Variants in DLG2 observed in about 807,000 individuals in gnomAD.
DLG2 encodes disks large homolog 2.
In DLG2, 45 loss-of-function variants were observed where a neutral mutation model predicts 132.5. The ratio of observed to expected loss-of-function variants is 0.34; its 90% CI spans 0.27 to 0.44. The LOEUF is 0.44. DLG2 is among the 20% of genes least tolerant of loss of function. DLG2 has a pLI of 1.00. For synonymous variants in DLG2, 424 were observed against 419.6 expected (o/e 1.01, Z -0.13); for missense variants, 1,045 against 1,196.9 (o/e 0.87, Z 1.87).
At chr11:84,304,458 A>AT (rs2098192629) in intron 7 of DLG2, among the ~76,000 whole-genome samples, 2 of 152,252 alleles carry the variant, frequency 1.3e-5, no homozygotes, top group South Asian at 4.1e-4. Flanking sequence ...TTTGTTGGGC[A>AT]GAAAGGGACA....
chr11:83,788,931 T>A (rs1314008739), intron 17 of DLG2, among the ~76,000 whole-genome samples: 2 of 152,240 alleles, frequency 1.3e-5, no homozygotes, highest in African/African-American at 4.8e-5. Flanking sequence ...TACCTGAGTT[T>A]AATGACAGAA....
intron 18 of DLG2, among the ~76,000 whole-genome samples, chr11:83,637,703 T>C (rs1461532078): frequency 6.6e-6 from 1 of 152,156 alleles, no homozygotes; most frequent in East Asian, 1.9e-4. Context: ...ACCCTTCCCC[T>C]CTTGACATCT....
At chr11:83,907,325 G>C (rs574932971) in intron 15 of DLG2, among the ~76,000 whole-genome samples, 2 of 152,076 alleles carry the variant, frequency 1.3e-5, no homozygotes, top group Admixed American at 1.3e-4. Context: ...ATATGGGCAG[G>C]TAAACAAATT....
chr11:84,039,219 T>C (rs1278240786), intron 11 of DLG2, among the ~76,000 whole-genome samples: 1 of 149,886 alleles, frequency 6.7e-6, no homozygotes, highest in African/African-American at 2.4e-5. Context: ...TTCTAGTTAA[T>C]TTTTTTTTTA....
intron 18 of DLG2, among the ~76,000 whole-genome samples, chr11:83,703,372 G>A (rs755810482): frequency 1.3e-5 from 2 of 152,168 alleles, no homozygotes; most frequent in Non-Finnish European, 2.9e-5. Context: ...ACAAACGGCC[G>A]GGCCTGGTGG....
chr11:85,344,411 C>T (rs539947366), intron 3 of DLG2, among the ~76,000 whole-genome samples: 27 of 152,102 alleles, frequency 1.8e-4, no homozygotes, highest in South Asian at 8.3e-4. Context: ...AGCCTAATGA[C>T]GGACAGAGGC....
chr11:84,302,099 C>T lies in DLG2; in HGVS notation c.520-50808G>A, dbSNP rs2098162146. Among the ~76,000 whole-genome samples, 3 of 152,064 alleles carry T rather than the reference C, an allele frequency of 2.0e-5. No homozygotes were observed. The South Asian group carries it at 6.2e-4, about 32-fold the overall frequency. On this transcript the variant is annotated intron_variant, in intron 7 of 27. Transcript: ENST00000376104. Reference sequence around the variant, plus strand: ...CACTCTCAGCAAACTAACACAGGAACAGAAAACCAAACGCCACATGTTCTC... The same window carrying T: ...CACTCTCAGCAAACTAACACAGGAATAGAAAACCAAACGCCACATGTTCTC...
At position 83,764,785 on chromosome 11, in the gene DLG2, G is replaced by A. The variant is rs542792411; in HGVS notation, c.1825+21905C>T. Reference sequence around the variant, plus strand: ...TCTGTGCTTTGATCACTTCATTTCAGTGCATCTTTCTTCACTCAGGAGGTG... The same window carrying A: ...TCTGTGCTTTGATCACTTCATTTCAATGCATCTTTCTTCACTCAGGAGGTG... On this transcript the variant is annotated intron_variant, in intron 18 of 27. Transcript: ENST00000376104. Among the ~76,000 whole-genome samples, 3 of 152,266 alleles carry A rather than the reference G, an allele frequency of 2.0e-5. No individual in the cohort carries two copies. The East Asian group carries it at 5.8e-4, about 29-fold the overall frequency.
chr11:84,812,551 T>C (rs934792802), intron 6 of DLG2, among the ~76,000 whole-genome samples: 2 of 152,154 alleles, frequency 1.3e-5, no homozygotes, highest in African/African-American at 4.8e-5. Flanking sequence ...CATATGTGAC[T>C]AGTTACCATA....
At chr11:84,032,005 T>A (rs1593501452) in intron 11 of DLG2, among the ~76,000 whole-genome samples, 1 of 152,246 alleles carries the variant, frequency 6.6e-6, no homozygotes, top group Middle Eastern at 3.4e-3. Flanking sequence ...TATGCCCATA[T>A]AAGATGATGA....
At chr11:83,873,103 A>G (rs1295291668) in intron 16 of DLG2, among the ~76,000 whole-genome samples, 1 of 152,170 alleles carries the variant, frequency 6.6e-6, no homozygotes, top group Non-Finnish European at 1.5e-5. Flanking sequence ...CACCTCAATA[A>G]AGTCTTTTCG....
At chr11:85,606,701 C>T (rs1264428401) in intron 2 of DLG2, among the ~76,000 whole-genome samples, 16 of 152,258 alleles carry the variant, frequency 1.1e-4, no homozygotes, top group South Asian at 2.1e-4. Context: ...TTTGGGTCTG[C>T]GCCGCCTTTA....
At chr11:84,588,507 C>G (rs369410429) in intron 6 of DLG2, among the ~76,000 whole-genome samples, 1 of 152,080 alleles carries the variant, frequency 6.6e-6, no homozygotes, top group African/African-American at 2.4e-5. Flanking sequence ...TGACAAGGCT[C>G]AGGACACACT....
chr11:84,726,703 T>C (rs112714894), intron 6 of DLG2, among the ~76,000 whole-genome samples: 2,461 of 152,270 alleles, frequency 0.016, 70 homozygotes, highest in African/African-American at 0.055. Context: ...TCTTCCACAA[T>C]AGTTGAACTA....
At chr11:84,868,202 A>G (rs991546224) in intron 6 of DLG2, among the ~76,000 whole-genome samples, 8 of 149,292 alleles carry the variant, frequency 5.4e-5, no homozygotes, top group African/African-American at 2.0e-4. Flanking sequence ...TGTAACTATC[A>G]TGGCCATTGA....
At chr11:85,002,204 A>G (rs1406528519) in intron 6 of DLG2, among the ~76,000 whole-genome samples, 1 of 152,088 alleles carries the variant, frequency 6.6e-6, no homozygotes, top group Non-Finnish European at 1.5e-5. Context: ...TCTCCTTTTG[A>G]GAAGCTATAA....
At chr11:84,058,730 G>A (rs928062322) in intron 11 of DLG2, among the ~76,000 whole-genome samples, 1 of 151,024 alleles carries the variant, frequency 6.6e-6, no homozygotes, top group South Asian at 2.1e-4. Flanking sequence ...ACAAAAATTA[G>A]GGTGGTAATT....
At chr11:84,457,339 A>G (rs966017370) in intron 7 of DLG2, among the ~76,000 whole-genome samples, 4 of 151,114 alleles carry the variant, frequency 2.6e-5, no homozygotes, top group African/African-American at 9.7e-5. Context: ...GATTGGATAT[A>G]CTACAAAATA....
chr11:84,858,148 C>A (rs1377146760), intron 6 of DLG2, among the ~76,000 whole-genome samples: 3 of 152,084 alleles, frequency 2.0e-5, no homozygotes, highest in Non-Finnish European at 1.5e-5. Context: ...CTGCCTCAGC[C>A]TCCTAAAGTG....
Sources: gnomAD v4.1 joint callset for allele counts (sites outside exome capture counted in the v4.1 genomes callset) on GRCh38, gnomAD v4.1.1 for gene constraint, MANE v1.5 for transcripts, NCBI Gene and HGNC (gene_info 2026-07-23, HGNC 2026-07-21) for gene names.